TMEM266: variants seen among roughly 807,000 people sequenced by gnomAD.
The protein encoded by TMEM266 is transmembrane protein 266.
A neutral mutation model predicts 50.5 loss-of-function variants in TMEM266; 33 were observed. The ratio of observed to expected loss-of-function variants is 0.65; its 90% confidence interval spans 0.50 to 0.87. The LOEUF is 0.87. Among genes scored for constraint, TMEM266 ranks in the 40% least tolerant of loss-of-function variants. The probability of loss-of-function intolerance (pLI) is 0.00; values close to 1 mark genes in which losing one functional copy is unlikely to be tolerated. For missense variants in TMEM266, 655 were observed against 695.1 expected (o/e 0.94, Z 0.65); for synonymous variants, 310 against 292.3 (o/e 1.06, Z -0.62).
intron 1 of TMEM266, among the ~76,000 whole-genome samples, chr15:76,115,777 T>C (rs2142014976): frequency 6.6e-6 from 1 of 152,276 alleles, no homozygotes; most frequent in East Asian, 1.9e-4. Context: ...CATCATTCAA[T>C]ATGTATCCCT....
At chr15:76,134,338 C>T (rs1287481648) in intron 2 of TMEM266, 37 bp downstream of exon 2, 4 of 1,598,060 alleles carry the variant, frequency 2.5e-6, no homozygotes, top group Non-Finnish European at 3.4e-6. Context: ...GGATCCAGAA[C>T]TGTGGCTATA....
At chr15:76,064,364 T>G (rs533666847) in intron 1 of TMEM266, among the ~76,000 whole-genome samples, 13 of 152,214 alleles carry the variant, frequency 8.5e-5, no homozygotes, top group Non-Finnish European at 1.3e-4. Context: ...ATGTCTTTGG[T>G]GTAAGCAGTC....
chr15:76,109,533 A>G (rs1056004392), intron 1 of TMEM266, among the ~76,000 whole-genome samples: 2 of 152,198 alleles, frequency 1.3e-5, no homozygotes, highest in Non-Finnish European at 2.9e-5. Context: ...GCAGTGGCTC[A>G]TGCCTGGGGT....
intron 9 of TMEM266, among the ~76,000 whole-genome samples, chr15:76,199,231 T>G (rs887923973): frequency 1.3e-5 from 2 of 152,224 alleles, no homozygotes; most frequent in African/African-American, 4.8e-5. Flanking sequence ...AGTTCTATTT[T>G]GGACATGTTG....
chr15:76,192,606 A>T (rs2469544), intron 9 of TMEM266, among the ~76,000 whole-genome samples: 32,236 of 151,986 alleles, frequency 0.21, 3,826 homozygotes, highest in African/African-American at 0.31. Flanking sequence ...GGGCCCAAAC[A>T]AGTCCAGGCC....
At chr15:76,087,335 T>C (rs1389409185) in intron 1 of TMEM266, among the ~76,000 whole-genome samples, 1 of 152,058 alleles carries the variant, frequency 6.6e-6, no homozygotes, top group African/African-American at 2.4e-5. Flanking sequence ...TAGATTGAGA[T>C]GATAGAATTG....
intron 1 of TMEM266, among the ~76,000 whole-genome samples, chr15:76,070,655 T>C (rs981433118): frequency 6.6e-6 from 1 of 152,242 alleles, no homozygotes; most frequent in Non-Finnish European, 1.5e-5. Context: ...CTGGAACTTA[T>C]TCCACCACAG....
At chr15:76,164,657 C>T (rs2038065829) in intron 5 of TMEM266, among the ~76,000 whole-genome samples, 1 of 152,212 alleles carries the variant, frequency 6.6e-6, no homozygotes, top group Admixed American at 6.5e-5. Context: ...AAAATTTGTC[C>T]AAGAGCAGAT....
intron 7 of TMEM266, among the ~76,000 whole-genome samples, chr15:76,173,647 T>C (rs1020586558): frequency 1.3e-5 from 2 of 152,190 alleles, no homozygotes; most frequent in African/African-American, 2.4e-5. Flanking sequence ...CGTGAAAGTC[T>C]GCAGGCCAGG....
chr15:76,084,837 G>C (rs1205989940), intron 1 of TMEM266, among the ~76,000 whole-genome samples: 1 of 151,770 alleles, frequency 6.6e-6, no homozygotes, highest in African/African-American at 2.4e-5. Context: ...TCCTGACCTC[G>C]TGATCTGCCT....
chr15:76,199,831 C>T (rs1484584582), intron 9 of TMEM266, among the ~76,000 whole-genome samples: 1 of 148,350 alleles, frequency 6.7e-6, no homozygotes, highest in African/African-American at 2.5e-5. Flanking sequence ...GGCTGGGAAA[C>T]CAGGGAGGGG....
intron 1 of TMEM266, among the ~76,000 whole-genome samples, chr15:76,065,171 A>G (rs2036390036): frequency 6.6e-6 from 1 of 152,200 alleles, no homozygotes; most frequent in South Asian, 2.1e-4. Flanking sequence ...CAACAAAGAA[A>G]AAGTTCCATT....
intron 5 of TMEM266, among the ~76,000 whole-genome samples, chr15:76,167,863 T>C (rs373140984): frequency 1.2e-4 from 18 of 150,552 alleles, no homozygotes; most frequent in African/African-American, 4.5e-4. Flanking sequence ...TGGGTCCAAA[T>C]GTTACCTTCA....
At chr15:76,186,318 T>C (rs561538802) in intron 8 of TMEM266, among the ~76,000 whole-genome samples, 35 of 152,284 alleles carry the variant, frequency 2.3e-4, no homozygotes, top group Non-Finnish European at 4.4e-4. Flanking sequence ...TGGAGGCACA[T>C]GTGGCCATGA....
At chr15:76,083,749 AG>A (rs1190250137) in intron 1 of TMEM266, among the ~76,000 whole-genome samples, 1 of 152,128 alleles carries the variant, frequency 6.6e-6, no homozygotes, top group Non-Finnish European at 1.5e-5. Flanking sequence ...TCATGGGAGC[AG>A]GGGCTGTGAC....
chr15:76,149,496 G>A (rs569158951), intron 3 of TMEM266, among the ~76,000 whole-genome samples: 11 of 152,222 alleles, frequency 7.2e-5, no homozygotes, highest in African/African-American at 1.4e-4. Context: ...TCTAATGACC[G>A]TGTATCTAAA....
chr15:76,192,326 C>T (rs1367372117), intron 9 of TMEM266, among the ~76,000 whole-genome samples, 169 bp downstream of exon 9: 1 of 152,008 alleles, frequency 6.6e-6, no homozygotes, highest in African/African-American at 2.4e-5. Context: ...TCGGTACTGC[C>T]TGTCAGAGCC....
chr15:76,175,913 T>A lies in TMEM266; in HGVS notation c.768+239T>A, dbSNP rs919841274. On this transcript the variant is annotated intron_variant, in intron 8 of 10. Transcript: ENST00000388942. Reference sequence around the variant, plus strand: ...TCCCAGGCCAGGGTTCTTTCCACTGTAGCACGGTGACTCTTCAGCTCCCCA... The same window carrying A: ...TCCCAGGCCAGGGTTCTTTCCACTGAAGCACGGTGACTCTTCAGCTCCCCA... 4.7e-5 allele frequency: 19 copies of A among 407,258 alleles called. No individual in the cohort carries two copies. In the Admixed American group the frequency reaches 7.4e-4, roughly 16 times the overall value. The allele number at this position is 407,258 out of a possible 1,614,324, so 25.2% of individuals were successfully genotyped here.
At chr15:76,072,650 T>TC (rs1196544045) in intron 1 of TMEM266, among the ~76,000 whole-genome samples, 4 of 152,078 alleles carry the variant, frequency 2.6e-5, no homozygotes, top group African/African-American at 9.7e-5. Context: ...TTTCTTTCTT[T>TC]TTTTTTGAGA....
Sources: allele counts gnomAD v4.1 joint callset (sites outside exome capture counted in the v4.1 genomes callset), GRCh38; gene constraint gnomAD v4.1.1; transcripts MANE v1.5; gene names NCBI Gene and HGNC (gene_info 2026-07-23, HGNC 2026-07-21).